Variants in GTPBP10 observed in about 807,000 individuals in gnomAD.
The protein encoded by GTPBP10 is GTP binding protein 10.
GTPBP10 carries 38 observed loss-of-function variants against 44.8 expected under a neutral mutation model. That is an observed-to-expected ratio of 0.85 (90% CI 0.65 to 1.11). The LOEUF is 1.11. Ranked by LOEUF, GTPBP10 falls within the 50% of genes most tolerant of loss-of-function variation. The pLI is 0.00. For missense variants in GTPBP10, 462 were observed against 453.7 expected (o/e 1.02, Z -0.17); for synonymous variants, 152 against 150.6 (o/e 1.01, Z -0.07).
intron 4 of GTPBP10, among the ~76,000 whole-genome samples, chr7:90,369,164 G>A (rs904024762): frequency 6.6e-6 from 1 of 152,164 alleles, no homozygotes; most frequent in Non-Finnish European, 1.5e-5. Flanking sequence ...TTTTGCTCTG[G>A]AAGCTTTGTC....
In GTPBP10 at chr7:90,389,390, T is replaced by A. The variant is rs1454388900; in HGVS notation, c.*4236T>A. The A allele has an allele frequency of 2.1e-5, 3 of 142,610 alleles. No homozygotes were observed. The highest frequency in any genetic ancestry group is 7.9e-5 in the African/African-American group (3 of 38,180). 8.8% of individuals were successfully genotyped at this position (142,610 alleles called of 1,614,324 possible). A position where few individuals can be genotyped will look rare whatever the true frequency, so the allele number is the denominator to read the frequency against. On this transcript the variant is annotated 3_prime_UTR_variant, in exon 10 of 10. Coordinates refer to ENST00000222511, the MANE Select transcript of GTPBP10 (RefSeq NM_033107.4). ...TTTGGGAGCCTAAAAAATTTGAATT[T>A]TTTTTTTTCCCCCCCCAGACGGAGT...
At chr7:90,374,909 G>A (rs1227610163) in intron 6 of GTPBP10, among the ~76,000 whole-genome samples, 1 of 152,142 alleles carries the variant, frequency 6.6e-6, no homozygotes, top group Non-Finnish European at 1.5e-5. Context: ...GAAAAGTTAT[G>A]CACACACAGA....
intron 4 of GTPBP10, among the ~76,000 whole-genome samples, chr7:90,362,233 A>G (rs1796038205): frequency 6.6e-6 from 1 of 151,896 alleles, no homozygotes; most frequent in African/African-American, 2.4e-5. Flanking sequence ...TTAGGGTGTC[A>G]ATTTTAGATC....
intron 8 of GTPBP10, among the ~76,000 whole-genome samples, chr7:90,382,305 A>T (rs1431362112): frequency 6.6e-6 from 1 of 152,004 alleles, no homozygotes; most frequent in Non-Finnish European, 1.5e-5. Flanking sequence ...TTGTATAGAG[A>T]TGGGGTCTCG....
At chr7:90,378,789 G>C (rs567577347) in intron 8 of GTPBP10, among the ~76,000 whole-genome samples, 5 of 151,808 alleles carry the variant, frequency 3.3e-5, no homozygotes, top group Admixed American at 1.3e-4. Context: ...GGCTCTCTCT[G>C]TCTCCCGGGC....
intron 5 of GTPBP10, among the ~76,000 whole-genome samples, chr7:90,373,476 C>T (rs1796296173): frequency 6.6e-6 from 1 of 152,174 alleles, no homozygotes; most frequent in Non-Finnish European, 1.5e-5. Context: ...AAAATAAAAT[C>T]AAGCCATTCT....
At chr7:90,384,213 A>G (rs1331884462) in intron 9 of GTPBP10, among the ~76,000 whole-genome samples, 1 of 152,184 alleles carries the variant, frequency 6.6e-6, no homozygotes, top group Non-Finnish European at 1.5e-5. Flanking sequence ...CTCAGAAAGT[A>G]AGCTCCATGT....
At position 90,377,506 on chromosome 7, in the gene GTPBP10, G is replaced by C. The variant is rs752815904; in HGVS notation, c.592-1G>C. On this transcript the variant is annotated splice_acceptor_variant, in intron 6 of 9. Coordinates refer to ENST00000222511, the MANE Select transcript of GTPBP10 (RefSeq NM_033107.4). LOFTEE classifies it high-confidence loss of function. ...TCATTAACCATTTAACTTTGTATTA[G>C]ATATCAGTAGCTGATCTTCCGGGTT... is the stretch of plus-strand genomic sequence containing the variant. The C allele has an allele frequency of 5.0e-6, 8 of 1,590,564 alleles. No individual in the cohort carries two copies. The highest frequency in any genetic ancestry group is 6.9e-6 in the Non-Finnish European group (8 of 1,166,296).
At chr7:90,369,067 T>C (rs1485196551) in intron 4 of GTPBP10, among the ~76,000 whole-genome samples, 3 of 152,238 alleles carry the variant, frequency 2.0e-5, no homozygotes, top group Non-Finnish European at 4.4e-5. Flanking sequence ...TGCAGGTCTT[T>C]TGGAGGTTGC....
intron 1 of GTPBP10, among the ~76,000 whole-genome samples, chr7:90,351,501 T>C (rs1433605170): frequency 6.6e-6 from 1 of 152,228 alleles, no homozygotes; most frequent in Non-Finnish European, 1.5e-5. Context: ...TTTGCACTCA[T>C]AACACACAGC....
chr7:90,358,831 A>T (rs17865218), intron 4 of GTPBP10, among the ~76,000 whole-genome samples: 42 of 152,322 alleles, frequency 2.8e-4, no homozygotes, highest in African/African-American at 9.4e-4. Flanking sequence ...GAATGGGAGA[A>T]AGTATTTGCA....
chr7:90,349,997 G>T (rs1355545754), intron 1 of GTPBP10, among the ~76,000 whole-genome samples: 2 of 151,752 alleles, frequency 1.3e-5, no homozygotes, highest in African/African-American at 4.8e-5. Flanking sequence ...AGGTATACAT[G>T]TGCCATGTTG....
intron 1 of GTPBP10, among the ~76,000 whole-genome samples, chr7:90,352,229 G>A (rs1466146841): frequency 6.6e-6 from 1 of 152,148 alleles, no homozygotes; most frequent in African/African-American, 2.4e-5. Context: ...CATTTGTGTA[G>A]TCTCAATGAA....
At chr7:90,375,256 G>T (rs1267207501) in intron 6 of GTPBP10, among the ~76,000 whole-genome samples, 1 of 151,870 alleles carries the variant, frequency 6.6e-6, no homozygotes, top group Non-Finnish European at 1.5e-5. Context: ...AATAAGCAGA[G>T]TACAGAGAAC....
chr7:90,380,944 ATGT>A (rs1461448468), intron 8 of GTPBP10, among the ~76,000 whole-genome samples: 2 of 152,098 alleles, frequency 1.3e-5, no homozygotes, highest in Admixed American at 6.5e-5. Flanking sequence ...AGGTTCATCC[ATGT>A]TGTTATAAAC....
Position 90,386,113 on chromosome 7 carries a change from C to T in GTPBP10, c.*959C>T, listed in dbSNP as rs557118899. On this transcript the variant is annotated 3_prime_UTR_variant, in exon 10 of 10. Transcript: ENST00000222511. ...ATTTTACAAGTTTATGGCCAGCCCA[C>T]CTGTAATAACATTCTCTGATATTCC... The T allele has an allele frequency of 6.6e-5, 10 of 151,866 alleles. No homozygotes were observed. Among genetic ancestry groups the T allele is most frequent in the Admixed American group, 1.3e-4 (2 of 15,258 alleles). The allele number at this position is 151,866 out of a possible 1,614,324, so 9.4% of individuals were successfully genotyped here.
rs147182766 is a variant in GTPBP10 at position 90,360,731 on chromosome 7, G to C, written c.464+5501G>C. Among the ~76,000 whole-genome samples the C allele has an allele frequency of 2.1e-3, 314 of 152,296 alleles. 1 individual carries two copies. Among genetic ancestry groups the C allele is most frequent in the African/African-American group, 7.1e-3 (294 of 41,568 alleles). On this transcript the variant is annotated intron_variant, in intron 4 of 9. Transcript: ENST00000222511. ...TTGAATCTATAAATTACCTTGGGCA[G>C]TATGGCCATTTTCATGATACTGATT...
chr7:90,379,632 G>A (rs1796401038), intron 8 of GTPBP10, among the ~76,000 whole-genome samples: 1 of 152,158 alleles, frequency 6.6e-6, no homozygotes, highest in Admixed American at 6.5e-5. Flanking sequence ...GTGAACATTT[G>A]TATGCAGGTT....
At position 90,375,526 on chromosome 7, in the gene GTPBP10, A is replaced by G. The variant is rs577273962; in HGVS notation, c.591+1172A>G. On this transcript the variant is annotated intron_variant, in intron 6 of 9. Coordinates refer to ENST00000222511, the MANE Select transcript of GTPBP10 (RefSeq NM_033107.4). ...TTATAATAGTGATAATAACAGTAAA[A>G]GATAAAACCAGTTATAATATAGAAT... Among the ~76,000 whole-genome samples, 4 of 152,318 alleles carry G rather than the reference A, an allele frequency of 2.6e-5. No homozygotes were observed. In the South Asian group the frequency reaches 8.3e-4, roughly 32 times the overall value.
Sources: gnomAD v4.1 joint callset for allele counts (sites outside exome capture counted in the v4.1 genomes callset) on GRCh38, gnomAD v4.1.1 for gene constraint, MANE v1.5 for transcripts, NCBI Gene and HGNC (gene_info 2026-07-23, HGNC 2026-07-21) for gene names.